SNX29: variants seen among roughly 807,000 people sequenced by gnomAD.
The protein encoded by SNX29 is sorting nexin 29.
In SNX29, 78 loss-of-function variants were observed where a neutral mutation model predicts 102.1. The ratio of observed to expected loss-of-function variants is 0.76; its 90% confidence interval spans 0.64 to 0.92. The LOEUF is 0.92. Among genes scored for constraint, SNX29 ranks in the 40% least tolerant of loss-of-function variants. SNX29 has a pLI of 0.00. For missense variants in SNX29, 1,280 were observed against 1,061.7 expected, an observed-to-expected ratio of 1.21 and a Z score of -2.86; for synonymous variants, 580 against 414.5, an observed-to-expected ratio of 1.40 and a Z score of -4.85.
chr16:12,573,027 G>A lies in SNX29; in HGVS notation c.*4398G>A, dbSNP rs746844325. 2.4e-4 allele frequency: 65 copies of A among 265,738 alleles called. No individual in the cohort carries two copies. In the Middle Eastern group the frequency reaches 3.6e-3, roughly 15 times the overall value. The allele number at this position is 265,738 out of a possible 1,614,324, so 16.5% of individuals were successfully genotyped here. On this transcript the variant is annotated 3_prime_UTR_variant, in exon 21 of 21. Transcript: ENST00000566228. ...GTTAAATATTTGCTGTTTTTAGATT[G>A]GCGTCCGTGCTAATTCTGCAGTTGT...
At chr16:12,408,359 A>G (rs576499420) in intron 18 of SNX29, among the ~76,000 whole-genome samples, 24 of 152,300 alleles carry the variant, frequency 1.6e-4, no homozygotes, top group African/African-American at 5.8e-4. Flanking sequence ...TGGTGCACAC[A>G]TTATCCAGCA....
chr16:12,458,581 A>G (rs1229575998), intron 18 of SNX29, among the ~76,000 whole-genome samples: 2 of 152,030 alleles, frequency 1.3e-5, no homozygotes, highest in East Asian at 3.9e-4. Flanking sequence ...AAGTATTTAT[A>G]CTCTTGGTGT....
chr16:12,027,444 G>C lies in SNX29; in HGVS notation c.247G>C (p.Glu83Gln). ...AAGFASKTETEPVFWYYVKEV... is the reference protein window; with the variant it reads ...AAGFASKTETQPVFWYYVKEV... ...GGGCTTTGCCAGCAAAACCGAAACA[G>C]GTACTGCTCTGCCTGGCTGTAGCTT... The change falls in exon 4 of 21, where the codon GAG becomes CAG. Residue 83 changes from glutamate (E) to glutamine (Q), a missense_variant and splice_region_variant. Coordinates refer to ENST00000566228, the MANE Select transcript of SNX29 (RefSeq NM_032167.5). The C allele has an allele frequency of 6.2e-7, 1 of 1,613,758 alleles. No homozygotes were observed. Among genetic ancestry groups the C allele is most frequent in the Non-Finnish European group, 8.5e-7 (1 of 1,179,858 alleles).
intron 4 of SNX29, among the ~76,000 whole-genome samples, chr16:12,041,002 G>T (rs2049858264): frequency 6.6e-6 from 1 of 152,046 alleles, no homozygotes; most frequent in Non-Finnish European, 1.5e-5. Flanking sequence ...AGTAGAGACA[G>T]GGTTTCACCA....
At chr16:12,564,490 A>C (rs1219661386) in intron 20 of SNX29, among the ~76,000 whole-genome samples, 1 of 152,214 alleles carries the variant, frequency 6.6e-6, no homozygotes, top group African/African-American at 2.4e-5. Context: ...CAAGGTCTAG[A>C]GTGTCTTAAC....
At chr16:12,473,179 A>G (rs927796022) in intron 18 of SNX29, among the ~76,000 whole-genome samples, 1 of 152,248 alleles carries the variant, frequency 6.6e-6, no homozygotes, top group Admixed American at 6.5e-5. Context: ...TAAGTCCATG[A>G]TTTAGTTAAG....
At chr16:12,343,189 A>G (rs940845302) in intron 15 of SNX29, among the ~76,000 whole-genome samples, 1 of 152,220 alleles carries the variant, frequency 6.6e-6, no homozygotes, top group African/African-American at 2.4e-5. Flanking sequence ...TGAGAACACG[A>G]CAAAGAGCCA....
At chr16:12,156,182 T>C (rs1432809711) in intron 13 of SNX29, among the ~76,000 whole-genome samples, 1 of 152,116 alleles carries the variant, frequency 6.6e-6, no homozygotes, top group Non-Finnish European at 1.5e-5. Flanking sequence ...ATCTATTTTA[T>C]TTTATTTTTG....
At chr16:11,997,672 C>A (rs1215808886) in intron 1 of SNX29, among the ~76,000 whole-genome samples, 2 of 151,880 alleles carry the variant, frequency 1.3e-5, no homozygotes, top group Non-Finnish European at 2.9e-5. Context: ...AGATACAGGG[C>A]TTCATCATGT....
intron 19 of SNX29, among the ~76,000 whole-genome samples, chr16:12,491,974 G>T (rs980940074): frequency 5.3e-5 from 8 of 152,186 alleles, no homozygotes; most frequent in Non-Finnish European, 1.2e-4. Flanking sequence ...ATTGTGAATA[G>T]TGCCGCAATA....
At chr16:12,382,861 C>T (rs563047571) in intron 16 of SNX29, among the ~76,000 whole-genome samples, 1 of 152,108 alleles carries the variant, frequency 6.6e-6, no homozygotes, top group East Asian at 1.9e-4. Flanking sequence ...TGGTGCCTCT[C>T]TGTATCTCTC....
At chr16:12,567,672 G>A (rs1279965792) in intron 20 of SNX29, among the ~76,000 whole-genome samples, 1 of 152,128 alleles carries the variant, frequency 6.6e-6, no homozygotes, top group South Asian at 2.1e-4. Flanking sequence ...TGAGGTGAGA[G>A]GATCACTTGA....
intron 14 of SNX29, among the ~76,000 whole-genome samples, chr16:12,233,567 T>C (rs1180846307): frequency 1.3e-5 from 2 of 152,132 alleles, no homozygotes; most frequent in African/African-American, 4.8e-5. Flanking sequence ...AAACCTTCAC[T>C]TGTACCCCCG....
At position 12,571,943 on chromosome 16, in the gene SNX29, G is replaced by T. The variant is rs2079196560; in HGVS notation, c.*3314G>T. 4 of 1,062,030 alleles carry T rather than the reference G, an allele frequency of 3.8e-6. No individual in the cohort carries two copies. In the African/African-American group the frequency reaches 4.9e-5, roughly 13 times the overall value. 65.8% of individuals were successfully genotyped at this position (1,062,030 alleles called of 1,614,324 possible). On this transcript the variant is annotated 3_prime_UTR_variant, in exon 21 of 21. Transcript: ENST00000566228. ...GCCCTGGTGAAGGAAGACACTTTCA[G>T]GGAAGAGGCTCTTACAGTCTATGGT...
chr16:12,374,391 AT>A (rs1220631458), intron 16 of SNX29: 10 of 152,250 alleles, frequency 6.6e-5, no homozygotes, highest in African/African-American at 2.4e-4. Context: ...GAATGTCTTT[AT>A]TTTGATCAGT....
intron 19 of SNX29, among the ~76,000 whole-genome samples, chr16:12,488,861 C>G (rs2088389833): frequency 6.6e-6 from 1 of 152,186 alleles, no homozygotes; most frequent in South Asian, 2.1e-4. Flanking sequence ...CCAGCTTGCC[C>G]CACTTCACTC....
intron 14 of SNX29, among the ~76,000 whole-genome samples, chr16:12,234,989 T>G (rs1460237817): frequency 2.0e-5 from 3 of 152,158 alleles, no homozygotes; most frequent in African/African-American, 7.2e-5. Context: ...TGTGTACTTT[T>G]CTCCCTCATT....
chr16:12,523,144 C>T lies in SNX29; in HGVS notation c.2179-1558C>T, dbSNP rs188619723. Among the ~76,000 whole-genome samples, 550 of 152,266 alleles carry T rather than the reference C, an allele frequency of 3.6e-3. 3 individuals carry two copies. Among genetic ancestry groups the T allele is most frequent in the African/African-American group, 0.013 (521 of 41,556 alleles). Reference sequence around the variant, plus strand: ...GAGCTCTTCACCGGGGACCAGGGCACGTGATGCTAGGTGGTTTTTCTCGTT... The same window carrying T: ...GAGCTCTTCACCGGGGACCAGGGCATGTGATGCTAGGTGGTTTTTCTCGTT... On this transcript the variant is annotated intron_variant, in intron 19 of 20. Coordinates refer to ENST00000566228, the MANE Select transcript of SNX29 (RefSeq NM_032167.5).
At chr16:12,071,186 T>G (rs1305122842) in intron 10 of SNX29, among the ~76,000 whole-genome samples, 5 of 151,852 alleles carry the variant, frequency 3.3e-5, no homozygotes, top group Non-Finnish European at 7.4e-5. Flanking sequence ...AGATCCCATT[T>G]GTCAATTTTG....
Sources: gnomAD v4.1 joint callset for allele counts (sites outside exome capture counted in the v4.1 genomes callset) on GRCh38, gnomAD v4.1.1 for gene constraint, MANE v1.5 for transcripts, NCBI Gene and HGNC (gene_info 2026-07-23, HGNC 2026-07-21) for gene names.